The following ZMAT4 variants were observed in gnomAD, a reference collection of about 807,000 sequenced individuals.
ZMAT4 encodes zinc finger matrin-type 4.
In ZMAT4, 17 loss-of-function variants were observed where a neutral mutation model predicts 28.7. The observed-to-expected ratio is 0.59, with a 90% CI of 0.41 to 0.89. The LOEUF (loss-of-function observed/expected upper bound fraction) is 0.89. ZMAT4 is among the 40% of genes least tolerant of loss of function. ZMAT4 has a pLI of 0.00. For missense variants in ZMAT4, 240 were observed against 283.8 expected, an observed-to-expected ratio of 0.85 and a Z score of 1.11; for synonymous variants, 117 against 109.2, an observed-to-expected ratio of 1.07 and a Z score of -0.44.
At chr8:40,712,963 G>T (rs60498868) in intron 3 of ZMAT4, among the ~76,000 whole-genome samples, 4,876 of 151,950 alleles carry the variant, frequency 0.032, 253 homozygotes, top group African/African-American at 0.11. Context: ...GGAACAAAAT[G>T]ATTCTGAATT....
At chr8:40,580,003 T>C (rs888022993) in intron 6 of ZMAT4, among the ~76,000 whole-genome samples, 2 of 138,182 alleles carry the variant, frequency 1.4e-5, no homozygotes, top group African/African-American at 2.7e-5. Flanking sequence ...GGACTCAATG[T>C]ATTCATCTTT....
intron 2 of ZMAT4, among the ~76,000 whole-genome samples, chr8:40,799,363 G>T (rs989499981): frequency 6.6e-6 from 1 of 152,042 alleles, no homozygotes; most frequent in Non-Finnish European, 1.5e-5. Flanking sequence ...GTTCCTGTCT[G>T]TCCGTCTCTC....
At position 40,872,681 on chromosome 8, in the gene ZMAT4, A is replaced by T. The variant is rs1226449685; in HGVS notation, c.-5+25002T>A. Among the ~76,000 whole-genome samples, 3 of 152,294 alleles carry T rather than the reference A, an allele frequency of 2.0e-5. No individual in the cohort carries two copies. The East Asian group carries it at 5.8e-4, about 29-fold the overall frequency. ...CCACACCCCCTCAGATAATGCCCGA[A>T]GTAAGCTGTCTGCAACATTCTGGGT... On this transcript the variant is annotated intron_variant, in intron 1 of 6. Transcript: ENST00000297737.
intron 5 of ZMAT4, among the ~76,000 whole-genome samples, chr8:40,611,498 G>A (rs1252822519): frequency 6.6e-5 from 10 of 151,978 alleles, no homozygotes; most frequent in East Asian, 1.9e-4. Flanking sequence ...ACGCCACCAC[G>A]CCAGGCTAAT....
intron 5 of ZMAT4, among the ~76,000 whole-genome samples, chr8:40,634,513 T>C (rs1262227300): frequency 6.6e-6 from 1 of 152,220 alleles, no homozygotes; most frequent in Non-Finnish European, 1.5e-5. Flanking sequence ...AAAGATTATT[T>C]CCACATCCTT....
chr8:40,784,269 T>TG (rs1813969758), intron 2 of ZMAT4, among the ~76,000 whole-genome samples: 1 of 152,074 alleles, frequency 6.6e-6, no homozygotes, highest in South Asian at 2.1e-4. Flanking sequence ...TAGCACAACA[T>TG]GAAAAAATCA....
At chr8:40,723,935 T>C (rs548691538) in intron 3 of ZMAT4, among the ~76,000 whole-genome samples, 1 of 152,266 alleles carries the variant, frequency 6.6e-6, no homozygotes, top group African/African-American at 2.4e-5. Context: ...GGTTCCACCC[T>C]CCTGAGTCCC....
intron 5 of ZMAT4, among the ~76,000 whole-genome samples, chr8:40,642,974 G>A (rs1367160072): frequency 1.3e-5 from 2 of 152,218 alleles, no homozygotes; most frequent in East Asian, 1.9e-4. Context: ...ACTTGTTCCT[G>A]TGTCAGATTC....
At chr8:40,830,169 G>C (rs891584160) in intron 1 of ZMAT4, among the ~76,000 whole-genome samples, 7 of 152,174 alleles carry the variant, frequency 4.6e-5, no homozygotes, top group African/African-American at 1.7e-4. Context: ...GGGCTTCATG[G>C]AAAAGAGTCA....
At chr8:40,583,137 G>C (rs774877568) in intron 5 of ZMAT4, among the ~76,000 whole-genome samples, 29 of 152,316 alleles carry the variant, frequency 1.9e-4, no homozygotes, top group Non-Finnish European at 4.1e-4. Flanking sequence ...CTGTGGAGAA[G>C]GGATTGCACA....
chr8:40,866,827 G>A (rs77644323), intron 1 of ZMAT4, among the ~76,000 whole-genome samples: 1,967 of 152,260 alleles, frequency 0.013, 46 homozygotes, highest in African/African-American at 0.045. Context: ...ACATGCATAT[G>A]CATGCATGCA....
intron 2 of ZMAT4, among the ~76,000 whole-genome samples, chr8:40,824,443 T>C (rs1361816873): frequency 4.6e-5 from 7 of 151,838 alleles, no homozygotes; most frequent in Non-Finnish European, 8.8e-5. Flanking sequence ...AGACCCTGTC[T>C]CAAAAAGAAA....
chr8:40,699,636 C>A (rs963666651), intron 3 of ZMAT4, among the ~76,000 whole-genome samples: 1 of 146,876 alleles, frequency 6.8e-6, no homozygotes, highest in African/African-American at 2.5e-5. Context: ...GAATACTACT[C>A]AGCCATAAAA....
chr8:40,881,589 A>AGAAG (rs1563264125), intron 1 of ZMAT4, among the ~76,000 whole-genome samples: 42 of 104,562 alleles, frequency 4.0e-4, no homozygotes, highest in Non-Finnish European at 4.7e-4. Flanking sequence ...AAAGAAAGAA[A>AGAAG]GAAAGAAAGA....
At chr8:40,610,063 C>T (rs1183009029) in intron 5 of ZMAT4, among the ~76,000 whole-genome samples, 1 of 152,150 alleles carries the variant, frequency 6.6e-6, no homozygotes, top group African/African-American at 2.4e-5. Flanking sequence ...TTGGTGAATG[C>T]TACATAGTTT....
In ZMAT4 at chr8:40,846,282, C is replaced by T. The variant is rs538012286; in HGVS notation, c.-4-20602G>A. 5.3e-4 allele frequency among the ~76,000 whole-genome samples: 81 copies of T among 152,310 alleles called. 1 individual carries two copies. Among genetic ancestry groups the T allele is most frequent in the African/African-American group, 1.9e-3 (81 of 41,562 alleles). The stretch of plus-strand genomic sequence containing the variant: ...TCCATGATCCATTCCACCATGGCCC[C>T]TATCATCCCACTCAACCCAATCCCC... On this transcript the variant is annotated intron_variant, in intron 1 of 6. Coordinates refer to ENST00000297737, the MANE Select transcript of ZMAT4 (RefSeq NM_024645.3).
chr8:40,803,283 G>T (rs945028868), intron 2 of ZMAT4, among the ~76,000 whole-genome samples: 1 of 152,060 alleles, frequency 6.6e-6, no homozygotes, highest in African/African-American at 2.4e-5. Context: ...AAAATGAAAA[G>T]GCAGCCAAAG....
At chr8:40,697,221 C>T in intron 4 of ZMAT4, 24 bp downstream of exon 4, 2 of 1,572,914 alleles carry the variant, frequency 1.3e-6, no homozygotes, top group African/African-American at 2.7e-5. Context: ...AGGGTCTCCC[C>T]ACGATCACTG....
chr8:40,893,324 CA>C (rs1373691331), intron 1 of ZMAT4, among the ~76,000 whole-genome samples: 1 of 152,118 alleles, frequency 6.6e-6, no homozygotes, highest in Non-Finnish European at 1.5e-5. Context: ...GGCTCTGTGG[CA>C]AAATCAAGAG....
Sources: gnomAD v4.1 joint callset for allele counts (sites outside exome capture counted in the v4.1 genomes callset) on GRCh38, gnomAD v4.1.1 for gene constraint, MANE v1.5 for transcripts, NCBI Gene and HGNC (gene_info 2026-07-23, HGNC 2026-07-21) for gene names.